RP1: variants seen among roughly 807,000 people sequenced by gnomAD.
RP1 encodes the protein oxygen-regulated protein 1.
Under a neutral mutation model 14.8 loss-of-function variants are expected in RP1, and 16 were observed. That is an observed-to-expected ratio of 1.08 (90% CI 0.73 to 1.65). The LOEUF is 1.65. Among genes scored for constraint, RP1 ranks in the 40% most tolerant of loss-of-function variants. RP1 has a pLI of 0.00. For missense variants in RP1, 2,631 were observed against 2,535.0 expected, an observed-to-expected ratio of 1.04 and a Z score of -0.81; for synonymous variants, 876 against 883.6, an observed-to-expected ratio of 0.99 and a Z score of 0.15.
downstream of RP1, among the ~76,000 whole-genome samples, chr8:54,773,589 A>G (rs879433544): frequency 3.3e-5 from 5 of 152,156 alleles, no homozygotes; most frequent in Admixed American, 6.6e-5. Context: ...GTGAACCTAC[A>G]TGGCACCACT....
At chr8:54,726,865 T>TA in intron 17 of RP1, among the ~76,000 whole-genome samples, 1 of 151,162 alleles carries the variant, frequency 6.6e-6, no homozygotes, top group South Asian at 2.1e-4. Flanking sequence ...AACTGAAGCT[T>TA]AAAAAAAAGT....
At chr8:54,709,039 A>G (rs771476885) in intron 15 of RP1, among the ~76,000 whole-genome samples, 4 of 152,146 alleles carry the variant, frequency 2.6e-5, no homozygotes, top group Admixed American at 6.5e-5. Flanking sequence ...CTGGTTAAGT[A>G]TCTCACCCAG....
Position 54,621,468 on chromosome 8 carries a change from C to G in RP1, c.502C>G (p.Arg168Gly), listed in dbSNP as rs1422215201. The change falls in exon 2 of 4, where the codon CGT becomes GGT. Residue 168 changes from arginine (R) to glycine (G), a missense_variant. Physicochemically the swap from Arg to Gly is moderately radical, Grantham distance 125. Transcript: ENST00000220676. ...CAGGAATGGCGACCCGAAGACGAGG[C>G]GTGCGGTTCTTCTGAGCAGGAGGGT... ...VFRNGDPKTR[R>G]AVLLSRRVTQ... is the part of the protein sequence containing the mutation. The G allele has an allele frequency of 4.3e-6, 7 of 1,614,022 alleles. No individual in the cohort carries two copies. The highest frequency in any genetic ancestry group is 5.9e-6 in the Non-Finnish European group (7 of 1,180,018).
At chr8:54,609,086 C>G (rs947040717) in intron 1 of RP1, among the ~76,000 whole-genome samples, 8 of 152,198 alleles carry the variant, frequency 5.3e-5, no homozygotes, top group African/African-American at 1.9e-4. Context: ...CAGGGAAAAT[C>G]AAGGTGTAGA....
At chr8:54,585,190 T>G (rs1482396580) in intron 1 of RP1, among the ~76,000 whole-genome samples, 1 of 152,250 alleles carries the variant, frequency 6.6e-6, no homozygotes, top group Non-Finnish European at 1.5e-5. Flanking sequence ...AGGGCAGGCC[T>G]GGTCATGAGA....
Position 54,625,687 on chromosome 8 carries a change from A to C in RP1, c.1805A>C (p.Asn602Thr). 6.2e-7 allele frequency: 1 copy of C among 1,614,130 alleles called. No individual in the cohort carries two copies. Among genetic ancestry groups the C allele is most frequent in the South Asian group, 1.1e-5 (1 of 91,076 alleles). The change falls in exon 4 of 4, where the codon AAT (asparagine) becomes ACT (threonine). Residue 602 changes from asparagine (N) to threonine (T), a missense_variant. Transcript: ENST00000220676. ...AACTTCAAAACTTATGGTAACACCAATGATAGGTTCAGTCCTATTTCAGCA... is the reference window on the plus strand; with the variant it reads ...AACTTCAAAACTTATGGTAACACCACTGATAGGTTCAGTCCTATTTCAGCA... ...IKNFKTYGNT[N>T]DRFSPISADA... is the part of the protein sequence containing the mutation.
At chr8:54,860,237 G>GA (rs1233440395) in intron 27 of RP1, among the ~76,000 whole-genome samples, 2 of 152,006 alleles carry the variant, frequency 1.3e-5, no homozygotes, top group Non-Finnish European at 2.9e-5. Flanking sequence ...CTTTGATGGA[G>GA]GGAGCAATAA....
chr8:54,627,295 T>C lies in RP1; in HGVS notation c.3413T>C (p.Leu1138Pro), dbSNP rs754799075. 2.8e-5 allele frequency: 45 copies of C among 1,614,026 alleles called. No individual in the cohort carries two copies. The highest frequency in any genetic ancestry group is 3.6e-5 in the Non-Finnish European group (42 of 1,179,978). ...LLLAWLLVLNLKGSMNSFCQV... is the reference protein window; with the variant it reads ...LLLAWLLVLNPKGSMNSFCQV... ...CTAGCTTGGCTCTTGGTGCTAAACC[T>C]AAAGGGAAGTATGAATAGCTTCTGT... Residue 1138 changes from leucine to proline, a missense_variant, in exon 4 of 4, where the codon CTA (leucine) becomes CCA (proline). By Grantham distance (98) the Leu-to-Pro change is moderately conservative. Transcript: ENST00000220676.
At chr8:54,864,950 C>A (rs1423603657) in intron 27 of RP1, among the ~76,000 whole-genome samples, 1 of 152,140 alleles carries the variant, frequency 6.6e-6, no homozygotes, top group East Asian at 1.9e-4. Context: ...GAGGAACTGA[C>A]ATCTTTATGA....
chr8:54,859,064 G>A (rs1198977040), intron 27 of RP1, among the ~76,000 whole-genome samples: 1 of 152,058 alleles, frequency 6.6e-6, no homozygotes, highest in East Asian at 1.9e-4. Context: ...GCAGCTCACT[G>A]CAGAGGGGTG....
chr8:54,739,266 G>A (rs544566282), intron 19 of RP1, among the ~76,000 whole-genome samples: 2 of 152,006 alleles, frequency 1.3e-5, no homozygotes, highest in Non-Finnish European at 2.9e-5. Context: ...AAGATTTTTC[G>A]ACTTATGATG....
chr8:54,660,020 G>A (rs181190609), intron 6 of RP1, among the ~76,000 whole-genome samples: 1 of 152,064 alleles, frequency 6.6e-6, no homozygotes, highest in East Asian at 1.9e-4. Flanking sequence ...ATTATTCTTT[G>A]TTAGTATATA....
intron 19 of RP1, among the ~76,000 whole-genome samples, chr8:54,745,367 A>T (rs967591908): frequency 2.0e-5 from 3 of 152,218 alleles, no homozygotes; most frequent in Non-Finnish European, 4.4e-5. Flanking sequence ...CTAACATGTT[A>T]ATTCAGACAT....
At chr8:54,795,403 G>C (rs1810556824) in intron 24 of RP1, among the ~76,000 whole-genome samples, 1 of 152,082 alleles carries the variant, frequency 6.6e-6, no homozygotes, top group Non-Finnish European at 1.5e-5. Context: ...TACAGGTGCA[G>C]AATATACTAT....
rs1226106304 is a variant in RP1, at chr8:54,691,545, T to G, written c.1718-7922T>G. 1.3e-5 allele frequency among the ~76,000 whole-genome samples: 2 copies of G among 152,090 alleles called. 1 individual carries two copies. Among genetic ancestry groups the G allele is most frequent in the South Asian group, 4.1e-4 (2 of 4,820 alleles). On this transcript the variant is annotated intron_variant, in intron 12 of 22. Coordinates refer to the RP1 transcript ENST00000636932. ...TATGAACCTGATGCTGAGCGAGAGA[T>G]GAGTGGAGATACAGGTTTAGAATTT... is the stretch of plus-strand genomic sequence containing the variant.
At chr8:54,775,055 T>C (rs1810000125) in intron 23 of RP1, among the ~76,000 whole-genome samples, 2 of 151,806 alleles carry the variant, frequency 1.3e-5, no homozygotes, top group African/African-American at 4.8e-5. Flanking sequence ...GTCAACAGCA[T>C]GCACCTAGTT....
At chr8:54,828,113 C>T (rs1228818218) in intron 24 of RP1, among the ~76,000 whole-genome samples, 3 of 152,092 alleles carry the variant, frequency 2.0e-5, no homozygotes, top group East Asian at 1.9e-4. Flanking sequence ...TTCTGGATAC[C>T]TCCTGAAGGA....
intron 23 of RP1, among the ~76,000 whole-genome samples, chr8:54,775,513 C>T (rs1262552962): frequency 1.3e-5 from 2 of 152,134 alleles, no homozygotes; most frequent in African/African-American, 4.8e-5. Flanking sequence ...AAGGCCATTG[C>T]TCTGACCCCT....
chr8:54,658,873 C>T (rs893631715), intron 6 of RP1, among the ~76,000 whole-genome samples: 1 of 138,568 alleles, frequency 7.2e-6, no homozygotes, highest in African/African-American at 3.0e-5. Context: ...TCTGCATTCT[C>T]CCCAACACTT....
Sources: allele counts gnomAD v4.1 joint callset (sites outside exome capture counted in the v4.1 genomes callset), GRCh38; gene constraint gnomAD v4.1.1; transcripts MANE v1.5; gene names NCBI Gene and HGNC (gene_info 2026-07-23, HGNC 2026-07-21).